Variants in INTS4 observed in about 807,000 individuals in gnomAD.
INTS4 encodes the protein integrator complex subunit 4, also known as MSTP093.
In INTS4, 70 loss-of-function variants were observed where a neutral mutation model predicts 119.5. The observed-to-expected ratio is 0.59, with a 90% CI of 0.48 to 0.71. INTS4 has a LOEUF of 0.71. Ranked by LOEUF, INTS4 falls within the 30% of genes least tolerant of loss-of-function variation. The pLI is 0.00. For missense variants in INTS4, 867 were observed against 1,173.2 expected (o/e 0.74, Z 3.81); for synonymous variants, 316 against 419.6 (o/e 0.75, Z 3.02).
intron 4 of INTS4, among the ~76,000 whole-genome samples, chr11:77,966,431 G>GCCATCCA (rs1855506716): frequency 6.6e-6 from 1 of 152,084 alleles, no homozygotes; most frequent in Non-Finnish European, 1.5e-5. Flanking sequence ...TACAGTTTCA[G>GCCATCCA]GTCGTATGTT....
intron 8 of INTS4, among the ~76,000 whole-genome samples, chr11:77,949,163 G>A (rs966990711): frequency 3.3e-5 from 5 of 152,056 alleles, no homozygotes; most frequent in Admixed American, 6.6e-5. Context: ...TTGCCACATC[G>A]ATAAACCTGG....
At chr11:77,880,664 C>G (rs1951757240) in intron 22 of INTS4, among the ~76,000 whole-genome samples, 1 of 152,166 alleles carries the variant, frequency 6.6e-6, no homozygotes, top group Non-Finnish European at 1.5e-5. Flanking sequence ...TTTCAAGAAG[C>G]CAAATCCTGG....
intron 15 of INTS4, among the ~76,000 whole-genome samples, chr11:77,916,294 C>A (rs1565241863): frequency 6.6e-6 from 1 of 152,162 alleles, no homozygotes; most frequent in Admixed American, 6.6e-5. Context: ...TTACACAAAT[C>A]TAAATGGTAT....
intron 15 of INTS4, chr11:77,918,305 CATAT>C (rs747072670): frequency 9.6e-6 from 5 of 523,042 alleles, no homozygotes; most frequent in East Asian, 7.4e-5. Flanking sequence ...GGTGTGGTGG[CATAT>C]GCCTGTGGTC....
Position 77,928,465 on chromosome 11 carries a change from T to A in INTS4, c.1248A>T (p.Leu416=), listed in dbSNP as rs11607479. Residue 416 remains leucine, a synonymous_variant, in exon 11 of 23, where the codon CTA becomes CTT. Coordinates refer to ENST00000534064, the MANE Select transcript of INTS4 (RefSeq NM_033547.4). ...CAATTTCATCGTTGAACATGTCAAC[T>A]AGGAAATCAAGGCACTTCTCAGCAA... ...PSFAEKCLDF[L]VDMFNDEIEE... is the part of the protein sequence containing the mutation. The A allele has an allele frequency of 0.19, 306,492 of 1,579,562 alleles. 32,498 individuals are homozygous for A. Among genetic ancestry groups the A allele is most frequent in the Non-Finnish European group, 0.2 (232,002 of 1,156,832 alleles).
chr11:77,914,602 G>A (rs1442930323), intron 15 of INTS4, among the ~76,000 whole-genome samples: 2 of 152,156 alleles, frequency 1.3e-5, no homozygotes, highest in Non-Finnish European at 2.9e-5. Context: ...TTCTGTAAAA[G>A]GTCAAATAGT....
chr11:77,967,561 A>C (rs1855555757), intron 4 of INTS4, among the ~76,000 whole-genome samples: 1 of 152,136 alleles, frequency 6.6e-6, no homozygotes, highest in African/African-American at 2.4e-5. Flanking sequence ...TTGGGGATCA[A>C]ATAACTCTAT....
chr11:77,879,402 A>C (rs144658685), intron 22 of INTS4, among the ~76,000 whole-genome samples: 251 of 152,336 alleles, frequency 1.6e-3, no homozygotes, highest in African/African-American at 5.8e-3. Flanking sequence ...TAATTGCTTC[A>C]TGATCTGCTT....
intron 11 of INTS4, 26 bp from the exon 12 acceptor site, chr11:77,924,918 A>T (rs1953459309): frequency 6.3e-7 from 1 of 1,574,896 alleles, no homozygotes; most frequent in African/African-American, 1.4e-5. Context: ...TAATAATAAC[A>T]GTAGTTACTG....
rs1208525989 is a variant in INTS4 at position 77,963,305 on chromosome 11, T to C, written c.472-2167A>G. On this transcript the variant is annotated intron_variant, in intron 4 of 22. Transcript: ENST00000534064. ...GTCACTTCTTGCATCAAGGTCATCA[T>C]CATTAAGAACTGCTTTTCTGGCCGG... is the stretch of plus-strand genomic sequence containing the variant. The C allele has an allele frequency of 1.2e-4, 41 of 348,852 alleles. No individual in the cohort carries two copies. In the Admixed American group the frequency reaches 2.1e-3, roughly 18 times the overall value. 21.6% of individuals were successfully genotyped at this position (348,852 alleles called of 1,614,324 possible).
intron 4 of INTS4, 139 bp from the exon 5 acceptor site, chr11:77,961,277 G>A: frequency 8.6e-7 from 1 of 1,164,190 alleles, no homozygotes; most frequent in Non-Finnish European, 1.1e-6. Context: ...ATATTCTTAG[G>A]ACAGTCTGTC....
At chr11:77,986,326 A>G (rs941727141) in intron 2 of INTS4, among the ~76,000 whole-genome samples, 5 of 152,232 alleles carry the variant, frequency 3.3e-5, no homozygotes, top group African/African-American at 1.2e-4. Context: ...CAATCATTAA[A>G]AAGTCAGGCA....
At chr11:77,885,265 T>TG (rs897552725) in intron 21 of INTS4, among the ~76,000 whole-genome samples, 2 of 151,854 alleles carry the variant, frequency 1.3e-5, no homozygotes, top group African/African-American at 2.4e-5. Flanking sequence ...TTAGTAGAGA[T>TG]GGGGTTTCAC....
At chr11:77,879,209 A>C in intron 22 of INTS4, 82 bp from the exon 23 acceptor site, 1 of 1,474,214 alleles carries the variant, frequency 6.8e-7, no homozygotes, top group African/African-American at 1.4e-5. Flanking sequence ...AGAAATATCA[A>C]AATGGAAGCA....
At chr11:77,939,366 C>T (rs1208630544) in intron 9 of INTS4, among the ~76,000 whole-genome samples, 1 of 152,206 alleles carries the variant, frequency 6.6e-6, no homozygotes, top group East Asian at 1.9e-4. Context: ...GTCCCAGCTA[C>T]TCGGGAGGCG....
intron 18 of INTS4, 96 bp downstream of exon 18, chr11:77,901,325 A>G: frequency 7.6e-7 from 1 of 1,307,342 alleles, no homozygotes; most frequent in East Asian, 2.3e-5. Context: ...CCTAAATTTC[A>G]TTTCACTTAT....
At chr11:77,948,696 G>A (rs1954112052) in intron 8 of INTS4, among the ~76,000 whole-genome samples, 2 of 75,382 alleles carry the variant, frequency 2.7e-5, no homozygotes, top group Admixed American at 1.2e-4. Flanking sequence ...AGAAGAAGAA[G>A]GAAAAAATCT....
At chr11:77,960,277 G>A in intron 6 of INTS4, 64 bp downstream of exon 6, 1 of 1,178,822 alleles carries the variant, frequency 8.5e-7, no homozygotes, top group Non-Finnish European at 1.3e-6. Context: ...CTGAGAACCT[G>A]TGTGCCGCCC....
At chr11:77,881,055 A>G (rs1466568330) in intron 22 of INTS4, among the ~76,000 whole-genome samples, 2 of 152,242 alleles carry the variant, frequency 1.3e-5, no homozygotes, top group Non-Finnish European at 2.9e-5. Context: ...AAGAATGGCA[A>G]TTCAAGGCAA....
Sources: gnomAD v4.1 joint callset for allele counts (sites outside exome capture counted in the v4.1 genomes callset) on GRCh38, gnomAD v4.1.1 for gene constraint, MANE v1.5 for transcripts, NCBI Gene and HGNC (gene_info 2026-07-23, HGNC 2026-07-21) for gene names.